ZFHX4: variants seen among roughly 807,000 people sequenced by gnomAD.
ZFHX4 encodes zinc finger homeobox 4.
ZFHX4 carries 56 observed loss-of-function variants against 267.6 expected under a neutral mutation model. The ratio of observed to expected loss-of-function variants is 0.21; its 90% confidence interval spans 0.17 to 0.26. The LOEUF is 0.26. ZFHX4 is among the 10% of genes least tolerant of loss of function. ZFHX4 has a pLI of 1.00. For synonymous variants in ZFHX4, 1,778 were observed against 1,665.6 expected (o/e 1.07, Z -1.64); for missense variants, 4,332 against 4,420.0 (o/e 0.98, Z 0.56).
intron 1 of ZFHX4, among the ~76,000 whole-genome samples, chr8:76,701,001 A>G (rs1808087917): frequency 6.6e-6 from 1 of 152,158 alleles, no homozygotes; most frequent in Non-Finnish European, 1.5e-5. Flanking sequence ...ACTGGGACTT[A>G]TAAAACTTTA....
Position 76,706,285 on chromosome 8 carries a change from G to A in ZFHX4, c.2197G>A (p.Gly733Ser). ...HLNNVQNLQNGNGEQVFGHSA... is the reference protein window; with the variant it reads ...HLNNVQNLQNSNGEQVFGHSA... ...GAACAATGTTCAGAATCTCCAAAAT[G>A]GCAATGGTGAGCAGGTGTTTGGCCA... Residue 733 changes from glycine to serine, a missense_variant, in exon 2 of 11, where the codon GGC (glycine) becomes AGC (serine). Physicochemically the swap from Gly to Ser is moderately conservative, Grantham distance 56 (BLOSUM62 0). Around this residue, in one of 7 missense-constraint regions of ZFHX4, gnomAD observed 1,195 missense variants for 1,173.6 expected, o/e 1.02. Coordinates refer to ENST00000651372, the MANE Select transcript of ZFHX4 (RefSeq NM_024721.5). 6.2e-7 allele frequency: 1 copy of A among 1,614,080 alleles called. No individual in the cohort carries two copies.
intron 4 of ZFHX4, among the ~76,000 whole-genome samples, chr8:76,823,083 C>A (rs1302219969): frequency 1.3e-5 from 2 of 150,788 alleles, no homozygotes; most frequent in Admixed American, 1.3e-4. Flanking sequence ...TCTACAATTT[C>A]TTCCAGACAG....
Position 76,863,995 on chromosome 8 carries a change from T to C in ZFHX4, c.10281T>C (p.Tyr3427=), listed in dbSNP as rs766695998. Reference sequence around the variant, plus strand: ...TAAATCATCAAAAGTCCTTCTGTTATTTCGGTCAGCCTTTGATTGACCCAC... The same window carrying C: ...TAAATCATCAAAAGTCCTTCTGTTACTTCGGTCAGCCTTTGATTGACCCAC... The part of the protein sequence containing the change: ...AAVNHQKSFC[Y]FGQPLIDPQE... The change falls in exon 11 of 11, where the codon TAT becomes TAC. Residue 3427 remains tyrosine (Y), a synonymous_variant. Transcript: ENST00000651372. 3 of 1,613,738 alleles carry C rather than the reference T, an allele frequency of 1.9e-6. No homozygotes were observed. The highest frequency in any genetic ancestry group is 2.5e-6 in the Non-Finnish European group (3 of 1,179,804).
At chr8:76,685,333 C>G (rs1169640048) in intron 1 of ZFHX4, among the ~76,000 whole-genome samples, 3 of 152,116 alleles carry the variant, frequency 2.0e-5, no homozygotes, top group South Asian at 2.1e-4. Context: ...TGGTTTCTAC[C>G]TCAATAAGTC....
chr8:76,800,127 CA>C (rs1187584857), intron 4 of ZFHX4, among the ~76,000 whole-genome samples: 1 of 151,872 alleles, frequency 6.6e-6, no homozygotes, highest in Admixed American at 6.6e-5. Context: ...AGGCTCCTCC[CA>C]AAAGGTACAA....
chr8:76,706,649 C>A lies in ZFHX4; in HGVS notation c.2561C>A (p.Ala854Glu). The change falls in exon 2 of 11, where the codon GCG becomes GAG. Residue 854 changes from alanine (A) to glutamate (E), a missense_variant. Coordinates refer to ENST00000651372, the MANE Select transcript of ZFHX4 (RefSeq NM_024721.5). Reference protein sequence around the residue: ...LMINPFQLDPATAAALAPGLV... With the variant: ...LMINPFQLDPETAAALAPGLV... The stretch of plus-strand genomic sequence containing the variant: ...ATCAATCCATTCCAGCTGGATCCAG[C>A]GACAGCAGCGGCTTTGGCACCAGGG... The A allele has an allele frequency of 6.3e-7, 1 of 1,596,194 alleles. No individual in the cohort carries two copies. Among genetic ancestry groups the A allele is most frequent in the Non-Finnish European group, 8.5e-7 (1 of 1,173,160 alleles).
intron 3 of ZFHX4, among the ~76,000 whole-genome samples, chr8:76,723,007 A>C (rs1808764552): frequency 6.6e-6 from 1 of 152,086 alleles, no homozygotes; most frequent in South Asian, 2.1e-4. Context: ...CTTGAAAAGC[A>C]GTGAATGTAG....
In ZFHX4 at chr8:76,850,137, G is replaced by C. The variant is rs2131937216; in HGVS notation, c.3847-108G>C. Reference sequence around the variant, plus strand: ...AACATCTGCAAAACATCCCTGCTTTGGCTAAAATAAACAAATGTAAGTGGG... The same window carrying C: ...AACATCTGCAAAACATCCCTGCTTTCGCTAAAATAAACAAATGTAAGTGGG... On this transcript the variant is annotated intron_variant, in intron 8 of 10. Coordinates refer to ENST00000651372, the MANE Select transcript of ZFHX4 (RefSeq NM_024721.5). 3.4e-6 allele frequency: 3 copies of C among 871,582 alleles called. No homozygotes were observed. In the East Asian group the frequency reaches 8.0e-5, roughly 23 times the overall value. 54.0% of individuals were successfully genotyped at this position (871,582 alleles called of 1,614,324 possible). A position where few individuals can be genotyped will look rare whatever the true frequency, so the allele number is the denominator to read the frequency against.
chr8:76,860,571 G>A (rs1812839319), intron 10 of ZFHX4, among the ~76,000 whole-genome samples: 2 of 151,986 alleles, frequency 1.3e-5, no homozygotes, highest in African/African-American at 4.8e-5. Context: ...CAGATTTAGG[G>A]GGGAAATTAG....
chr8:76,850,880 T>A lies in ZFHX4; in HGVS notation c.3965-6T>A. The stretch of plus-strand genomic sequence containing the variant: ...TAAGAGAGATGTTTGTGCTTTTTCC[T>A]AATAGGTGAAAGTCCAATGGATGAC... On this transcript the variant is annotated splice_region_variant and splice_polypyrimidine_tract_variant and intron_variant, in intron 9 of 10. Transcript: ENST00000651372. 1 of 1,577,824 alleles carries A rather than the reference T, an allele frequency of 6.3e-7. No individual in the cohort carries two copies. The highest frequency in any genetic ancestry group is 2.3e-5 in the East Asian group (1 of 44,282).
intron 1 of ZFHX4, chr8:76,683,367 G>GCACACACACACATA (rs1315954836): frequency 5.0e-5 from 5 of 99,704 alleles, no homozygotes; most frequent in Non-Finnish European, 7.6e-5. Context: ...TCCAAAAAAA[G>GCACACACACACATA]CACACACACA....
At position 76,706,509 on chromosome 8, in the gene ZFHX4, T is replaced by C; in HGVS notation, c.2421T>C (p.His807=). Residue 807 remains histidine, a synonymous_variant, in exon 2 of 11, where the codon CAT becomes CAC. Transcript: ENST00000651372. ...AGCAGAACATGAAGCAGATCCAGCA[T>C]AATCTGCACTTGGGCCTCGCCCCGG... ...LLQQNMKQIQ[H]NLHLGLAPAE... 1 of 1,613,870 alleles carries C rather than the reference T, an allele frequency of 6.2e-7. No individual in the cohort carries two copies. The highest frequency in any genetic ancestry group is 8.5e-7 in the Non-Finnish European group (1 of 1,179,830).
intron 1 of ZFHX4, among the ~76,000 whole-genome samples, chr8:76,693,718 G>T (rs911104737): frequency 1.3e-5 from 2 of 152,206 alleles, no homozygotes; most frequent in African/African-American, 4.8e-5. Flanking sequence ...TTAGAGATAG[G>T]ACCACAATTG....
intron 1 of ZFHX4, among the ~76,000 whole-genome samples, chr8:76,700,746 C>A (rs1005989547): frequency 6.6e-6 from 1 of 152,082 alleles, no homozygotes; most frequent in Non-Finnish European, 1.5e-5. Flanking sequence ...CTAAGCAGAC[C>A]AGCAGGTATG....
intron 4 of ZFHX4, among the ~76,000 whole-genome samples, chr8:76,786,159 A>G (rs1452705417): frequency 1.3e-5 from 2 of 152,074 alleles, no homozygotes; most frequent in Admixed American, 6.6e-5. Context: ...TTCAGAATCT[A>G]TTGTTTTAAC....
rs1221204945 is a variant in ZFHX4, at chr8:76,704,774, T to A, written c.686T>A (p.Val229Asp). 1 of 1,614,076 alleles carries A rather than the reference T, an allele frequency of 6.2e-7. No individual in the cohort carries two copies. The highest frequency in any genetic ancestry group is 1.7e-5 in the Admixed American group (1 of 60,030). ...GGTCCTGTGTTGCACAGTTTCCGTGTCTATGATCTCCGACACAAGAGAGAG... is the reference window on the plus strand; with the variant it reads ...GGTCCTGTGTTGCACAGTTTCCGTGACTATGATCTCCGACACAAGAGAGAG... Reference protein sequence around the residue: ...GVGPVLHSFRVYDLRHKREKD... With the variant: ...GVGPVLHSFRDYDLRHKREKD... Residue 229 changes from valine (V) to aspartate (D), a missense_variant, in exon 2 of 11, where the codon GTC becomes GAC. Val to Asp is a radical substitution (Grantham distance 152, BLOSUM62 -3). This residue lies in a region of ZFHX4 where 1,195 missense variants were observed against 1,173.6 expected (regional missense o/e 1.02). Transcript: ENST00000651372.
chr8:76,708,935 A>C (rs1040886487), intron 3 of ZFHX4, among the ~76,000 whole-genome samples: 3 of 152,202 alleles, frequency 2.0e-5, no homozygotes, highest in Non-Finnish European at 2.9e-5. Flanking sequence ...AGGATATTAA[A>C]ATTCAGAAAA....
At chr8:76,773,906 A>G (rs1017487098) in intron 3 of ZFHX4, among the ~76,000 whole-genome samples, 4 of 152,142 alleles carry the variant, frequency 2.6e-5, no homozygotes, top group Admixed American at 1.3e-4. Context: ...TAGTATAATG[A>G]CAAAAAATGA....
intron 4 of ZFHX4, among the ~76,000 whole-genome samples, chr8:76,780,104 A>G (rs1316172537): frequency 6.6e-6 from 1 of 152,060 alleles, no homozygotes; most frequent in Non-Finnish European, 1.5e-5. Flanking sequence ...AGTCTTTGGT[A>G]GGTTTTACCA....
Sources: gnomAD v4.1 joint callset for allele counts (sites outside exome capture counted in the v4.1 genomes callset) on GRCh38, gnomAD v4.1.1 for gene constraint, gnomAD v4.1.1 regional missense constraint, MANE v1.5 for transcripts, NCBI Gene and HGNC (gene_info 2026-07-23, HGNC 2026-07-21) for gene names.